MAP3K9: variants seen among roughly 807,000 people sequenced by gnomAD.
MAP3K9 encodes mitogen-activated protein kinase kinase kinase 9, also known as mixed lineage kinase 1 (tyr and ser/thr specificity).
In MAP3K9, 46 loss-of-function variants were observed where a neutral mutation model predicts 95.8. The observed-to-expected ratio is 0.48, with a 90% CI of 0.38 to 0.61. The LOEUF is 0.61. Among genes scored for constraint, MAP3K9 ranks in the 20% least tolerant of loss-of-function variants. MAP3K9 has a pLI of 0.00. For missense variants in MAP3K9, 1,296 were observed against 1,474.3 expected (o/e 0.88, Z 1.98); for synonymous variants, 533 against 593.8 (o/e 0.90, Z 1.49).
intron 1 of MAP3K9, among the ~76,000 whole-genome samples, chr14:70,806,172 C>T (rs1303663305): frequency 2.0e-5 from 3 of 152,214 alleles, no homozygotes; most frequent in Non-Finnish European, 4.4e-5. Flanking sequence ...CAATCGTCTT[C>T]ACTTTCCGAG....
At chr14:70,778,060 C>T (rs1179446908) in intron 2 of MAP3K9, among the ~76,000 whole-genome samples, 1 of 151,576 alleles carries the variant, frequency 6.6e-6, no homozygotes, top group African/African-American at 2.4e-5. Flanking sequence ...GACGGAACCT[C>T]TCTCTCTCCC....
chr14:70,754,612 C>G (rs888358182), intron 3 of MAP3K9, among the ~76,000 whole-genome samples: 4 of 152,090 alleles, frequency 2.6e-5, no homozygotes, highest in Non-Finnish European at 5.9e-5. Flanking sequence ...GCTGGGACTA[C>G]AGGCACCCAG....
chr14:70,745,257 C>T (rs2054129991), intron 5 of MAP3K9, among the ~76,000 whole-genome samples: 1 of 152,108 alleles, frequency 6.6e-6, no homozygotes, highest in South Asian at 2.1e-4. Flanking sequence ...TGGATTAAAA[C>T]AAAATAGTGT....
chr14:70,787,443 G>A (rs947635141), intron 2 of MAP3K9, among the ~76,000 whole-genome samples: 3 of 151,440 alleles, frequency 2.0e-5, no homozygotes, highest in Non-Finnish European at 4.4e-5. Flanking sequence ...CAGAGGCAGA[G>A]GTTGCAGCAA....
rs2054923471 is a variant in MAP3K9 at position 70,800,967 on chromosome 14, G to A, written c.520C>T (p.Arg174Cys). The A allele has an allele frequency of 4.3e-6, 7 of 1,613,950 alleles. No individual in the cohort carries two copies. The highest frequency in any genetic ancestry group is 1.1e-5 in the South Asian group (1 of 91,082). ...CTGATGTCCTCATCAGGGTCGTGGC[G>A]AGCTGCTTTCACAGCAACCTCATCC... ...IGDEVAVKAA[R>C]HDPDEDISQT... is the part of the protein sequence containing the mutation. Residue 174 changes from arginine to cysteine, a missense_variant, in exon 2 of 12, where the codon CGC becomes TGC. By Grantham distance (180) the Arg-to-Cys change is radical. Transcript: ENST00000554752.
rs201816172 is a variant in MAP3K9, at chr14:70,732,718, C to A, written c.2651G>T (p.Arg884Leu). Residue 884 changes from arginine (R) to leucine (L), a missense_variant, in exon 11 of 12, where the codon CGA (arginine) becomes CTA (leucine). This residue lies in a region of MAP3K9 where 433 missense variants were observed against 441.4 expected (regional missense o/e 0.98). Coordinates refer to ENST00000554752, the MANE Select transcript of MAP3K9 (RefSeq NM_001284230.2). Reference protein sequence around the residue: ...PCTHNPLVNVRVERFKRDPNQ... With the variant: ...PCTHNPLVNVLVERFKRDPNQ... ...AGGATCTCGTTTGAAGCGCTCTACT[C>A]GGACATTGACCAGGGGGTTGTGGGT... 6.2e-7 allele frequency: 1 copy of A among 1,602,166 alleles called. No homozygotes were observed. The highest frequency in any genetic ancestry group is 8.5e-7 in the Non-Finnish European group (1 of 1,171,788).
intron 7 of MAP3K9, among the ~76,000 whole-genome samples, chr14:70,738,626 C>G (rs538743669): frequency 6.6e-6 from 1 of 152,318 alleles, no homozygotes; most frequent in Admixed American, 6.5e-5. Context: ...CTTCAATTTT[C>G]ACAAATCCAA....
At chr14:70,806,756 C>T (rs990322206) in intron 1 of MAP3K9, among the ~76,000 whole-genome samples, 2 of 152,218 alleles carry the variant, frequency 1.3e-5, no homozygotes, top group Non-Finnish European at 2.9e-5. Flanking sequence ...TTCCTGATCA[C>T]GAACCTCACC....
chr14:70,741,151 C>T (rs958838522), intron 6 of MAP3K9, among the ~76,000 whole-genome samples: 5 of 152,044 alleles, frequency 3.3e-5, no homozygotes, highest in African/African-American at 7.3e-5. Flanking sequence ...AGTACAAGGG[C>T]GCAATCTCCG....
At chr14:70,797,195 C>T (rs2054874161) in intron 2 of MAP3K9, among the ~76,000 whole-genome samples, 1 of 152,138 alleles carries the variant, frequency 6.6e-6, no homozygotes, top group Non-Finnish European at 1.5e-5. Flanking sequence ...TCAAAGTCAA[C>T]TAACACATAT....
At chr14:70,742,909 ATT>A (rs915191348) in intron 5 of MAP3K9, among the ~76,000 whole-genome samples, 20 of 34,004 alleles carry the variant, frequency 5.9e-4, no homozygotes, top group South Asian at 2.2e-3. Context: ...ATTTATATAT[ATT>A]TATATATATA....
intron 1 of MAP3K9, among the ~76,000 whole-genome samples, chr14:70,807,348 G>A (rs912144539): frequency 6.6e-6 from 1 of 152,176 alleles, no homozygotes. Context: ...AAATTAGCCA[G>A]GCATGGTGGC....
intron 1 of MAP3K9, among the ~76,000 whole-genome samples, chr14:70,803,370 G>A (rs1357226893): frequency 8.0e-5 from 10 of 125,256 alleles, no homozygotes; most frequent in Non-Finnish European, 3.4e-5. Context: ...AAACTGAACT[G>A]GAACTAGACC....
chr14:70,780,153 T>C (rs1391744051), intron 2 of MAP3K9, among the ~76,000 whole-genome samples: 1 of 152,254 alleles, frequency 6.6e-6, no homozygotes, highest in Non-Finnish European at 1.5e-5. Flanking sequence ...GATGTATTCA[T>C]GTGGACCAGC....
intron 2 of MAP3K9, among the ~76,000 whole-genome samples, chr14:70,784,296 A>T (rs1033977241): frequency 2.6e-5 from 4 of 152,066 alleles, no homozygotes; most frequent in Admixed American, 2.6e-4. Flanking sequence ...AACAAAAAAA[A>T]ATACTAAAAT....
intron 1 of MAP3K9, among the ~76,000 whole-genome samples, chr14:70,806,953 C>A (rs2054996316): frequency 6.6e-6 from 1 of 152,206 alleles, no homozygotes; most frequent in Non-Finnish European, 1.5e-5. Context: ...GATGCTTAGC[C>A]TTAAGGCTAC....
chr14:70,772,952 G>A (rs2054550769), intron 2 of MAP3K9, among the ~76,000 whole-genome samples: 1 of 152,226 alleles, frequency 6.6e-6, no homozygotes, highest in Non-Finnish European at 1.5e-5. Flanking sequence ...AAATCAGTCA[G>A]GACCCCAGAC....
At chr14:70,807,691 CT>C (rs2055004989) in intron 1 of MAP3K9, among the ~76,000 whole-genome samples, 1 of 151,782 alleles carries the variant, frequency 6.6e-6, no homozygotes, top group East Asian at 1.9e-4. Context: ...TTAACAATAC[CT>C]TTTTAACAGA....
chr14:70,748,780 C>T (rs1198504478), intron 5 of MAP3K9, 49 bp downstream of exon 5: 10 of 1,496,330 alleles, frequency 6.7e-6, no homozygotes, highest in South Asian at 1.2e-5. Context: ...TCAATGCATG[C>T]CTTTTTTCTT....
Sources: allele counts gnomAD v4.1 joint callset (sites outside exome capture counted in the v4.1 genomes callset), GRCh38; gene constraint gnomAD v4.1.1; regional missense constraint gnomAD v4.1.1; transcripts MANE v1.5; gene names NCBI Gene and HGNC (gene_info 2026-07-23, HGNC 2026-07-21).